Variants in DLG2 observed in about 807,000 individuals in gnomAD.
DLG2 encodes disks large homolog 2.
A neutral mutation model predicts 132.5 loss-of-function variants in DLG2; 45 were observed. That is an observed-to-expected ratio of 0.34 (90% CI 0.27 to 0.44). DLG2 has a LOEUF of 0.44. Ranked by LOEUF, DLG2 falls within the 20% of genes least tolerant of loss-of-function variation. The pLI is 1.00. For synonymous variants in DLG2, 424 were observed against 419.6 expected (o/e 1.01, Z -0.13); for missense variants, 1,045 against 1,196.9 (o/e 0.87, Z 1.87).
intron 3 of DLG2, among the ~76,000 whole-genome samples, chr11:85,490,584 TAAAC>T (rs1205812535): frequency 6.6e-6 from 1 of 151,398 alleles, no homozygotes; most frequent in African/African-American, 2.4e-5. Context: ...AAAACTCAAA[TAAAC>T]AAAATCAGAA....
intron 19 of DLG2, among the ~76,000 whole-genome samples, chr11:83,607,573 T>C (rs960522837): frequency 6.6e-6 from 1 of 152,212 alleles, no homozygotes; most frequent in African/African-American, 2.4e-5. Flanking sequence ...TTTAGCAATT[T>C]ATTTAAAGTA....
chr11:84,649,890 C>G (rs1053171265), intron 6 of DLG2, among the ~76,000 whole-genome samples: 2 of 152,174 alleles, frequency 1.3e-5, no homozygotes, highest in African/African-American at 4.8e-5. Context: ...CAGACCTGCT[C>G]TTAAAGCTGC....
chr11:84,189,869 A>T (rs963518157), intron 8 of DLG2, among the ~76,000 whole-genome samples: 2 of 152,074 alleles, frequency 1.3e-5, no homozygotes, highest in African/African-American at 4.8e-5. Flanking sequence ...TAGCTAATGG[A>T]CACTGGGCTT....
chr11:85,210,767 C>A (rs1204682640), intron 4 of DLG2, among the ~76,000 whole-genome samples: 1 of 152,094 alleles, frequency 6.6e-6, no homozygotes, highest in African/African-American at 2.4e-5. Flanking sequence ...TAATAGGCAA[C>A]TTGGGCTCAG....
intron 6 of DLG2, among the ~76,000 whole-genome samples, chr11:84,718,990 A>G (rs1222465421): frequency 1.3e-5 from 2 of 152,202 alleles, no homozygotes; most frequent in Non-Finnish European, 2.9e-5. Context: ...TAATATTATC[A>G]TTCAATGACT....
intron 3 of DLG2, among the ~76,000 whole-genome samples, chr11:85,578,281 A>AAAAACCCT (rs1203152237): frequency 6.6e-6 from 1 of 152,234 alleles, no homozygotes; most frequent in Admixed American, 6.5e-5. Context: ...CCAAAATTAT[A>AAAAACCCT]AAAACCCTAG....
chr11:84,168,854 C>A (rs1031425447), intron 8 of DLG2, among the ~76,000 whole-genome samples: 10 of 146,596 alleles, frequency 6.8e-5, no homozygotes, highest in Non-Finnish European at 4.5e-5. Context: ...CACACACAAA[C>A]ACACACACTC....
chr11:85,275,253 C>A (rs1392979878), intron 4 of DLG2, among the ~76,000 whole-genome samples: 6 of 152,118 alleles, frequency 3.9e-5, no homozygotes, highest in East Asian at 1.9e-4. Context: ...GTAGACTCTA[C>A]AAGACAACTC....
intron 7 of DLG2, among the ~76,000 whole-genome samples, chr11:84,469,967 A>G (rs754248944): frequency 8.6e-5 from 13 of 151,676 alleles, no homozygotes; most frequent in Non-Finnish European, 1.8e-4. Context: ...AATATAGCCT[A>G]TTGTTTCTAG....
chr11:85,348,465 C>A (rs930570622), intron 3 of DLG2, among the ~76,000 whole-genome samples: 1 of 151,754 alleles, frequency 6.6e-6, no homozygotes, highest in African/African-American at 2.4e-5. Context: ...CCTCGTGATC[C>A]GCCCGCCTCG....
At chr11:84,886,518 G>A (rs899493028) in intron 6 of DLG2, among the ~76,000 whole-genome samples, 1 of 152,078 alleles carries the variant, frequency 6.6e-6, no homozygotes, top group Non-Finnish European at 1.5e-5. Context: ...AACATCTCTT[G>A]GCACCACTGT....
At chr11:85,300,910 A>C (rs892891113) in intron 3 of DLG2, among the ~76,000 whole-genome samples, 1 of 152,106 alleles carries the variant, frequency 6.6e-6, no homozygotes, top group African/African-American at 2.4e-5. Flanking sequence ...CCCTAAAAAA[A>C]TTATTAGAGA....
chr11:84,038,100 T>A (rs754942132), intron 11 of DLG2, among the ~76,000 whole-genome samples: 2 of 152,016 alleles, frequency 1.3e-5, no homozygotes, highest in Non-Finnish European at 2.9e-5. Context: ...TAGTTATTTT[T>A]CCTGATCCTC....
At chr11:84,527,749 A>T (rs2099325675) in intron 7 of DLG2, among the ~76,000 whole-genome samples, 1 of 152,214 alleles carries the variant, frequency 6.6e-6, no homozygotes, top group African/African-American at 2.4e-5. Flanking sequence ...TGCCAATTTT[A>T]ACTGCAAGAT....
chr11:83,621,241 G>A (rs542234884), intron 19 of DLG2, among the ~76,000 whole-genome samples: 1 of 151,932 alleles, frequency 6.6e-6, no homozygotes, highest in African/African-American at 2.4e-5. Flanking sequence ...CAATTTAGTT[G>A]TCAATTCCCT....
At chr11:84,308,874 C>A (rs2098258960) in intron 7 of DLG2, among the ~76,000 whole-genome samples, 1 of 152,214 alleles carries the variant, frequency 6.6e-6, no homozygotes, top group Non-Finnish European at 1.5e-5. Flanking sequence ...CTCACGCTGG[C>A]CCACAAGCAT....
intron 23 of DLG2, among the ~76,000 whole-genome samples, chr11:83,472,343 G>A (rs896632019): frequency 6.6e-6 from 1 of 152,138 alleles, no homozygotes; most frequent in Admixed American, 6.6e-5. Flanking sequence ...CTTACAGATA[G>A]CCTACATCTT....
At chr11:84,961,562 GTGTGTA>G (rs1247416929) in intron 6 of DLG2, among the ~76,000 whole-genome samples, 8 of 145,564 alleles carry the variant, frequency 5.5e-5, no homozygotes, top group African/African-American at 2.1e-4. Context: ...GTGTGTGTGT[GTGTGTA>G]TGTGTATGCA....
At chr11:85,529,142 C>T (rs779603031) in intron 3 of DLG2, among the ~76,000 whole-genome samples, 7 of 152,140 alleles carry the variant, frequency 4.6e-5, no homozygotes, top group Non-Finnish European at 8.8e-5. Context: ...GTTGAGAGGT[C>T]GTTTGCAAGT....
Sources: gnomAD v4.1 joint callset for allele counts (sites outside exome capture counted in the v4.1 genomes callset) on GRCh38, gnomAD v4.1.1 for gene constraint, MANE v1.5 for transcripts, NCBI Gene and HGNC (gene_info 2026-07-23, HGNC 2026-07-21) for gene names.